The following DHRS3 variants were observed in gnomAD, a reference collection of about 807,000 sequenced individuals.
DHRS3 encodes dehydrogenase/reductase 3, also known as short-chain dehydrogenase/reductase 3.
DHRS3 carries 14 observed loss-of-function variants against 27.2 expected under a neutral mutation model. The ratio of observed to expected loss-of-function variants is 0.52; its 90% CI spans 0.34 to 0.81. The LOEUF (loss-of-function observed/expected upper bound fraction) is 0.81. Among genes scored for constraint, DHRS3 ranks in the 30% least tolerant of loss-of-function variants. The probability of loss-of-function intolerance (pLI) is 0.01; values close to 1 mark genes in which losing one functional copy is unlikely to be tolerated. For synonymous variants in DHRS3, 165 were observed against 175.9 expected (o/e 0.94, Z 0.49); for missense variants, 322 against 406.2 (o/e 0.79, Z 1.78).
At chr1:12,606,568 C>T (rs1209236598) in intron 1 of DHRS3, among the ~76,000 whole-genome samples, 4 of 152,086 alleles carry the variant, frequency 2.6e-5, no homozygotes, top group Admixed American at 1.3e-4. Context: ...TGGCTCACGG[C>T]AACCTCCGCC....
At chr1:12,614,973 C>T (rs1646934907) in intron 1 of DHRS3, among the ~76,000 whole-genome samples, 1 of 152,166 alleles carries the variant, frequency 6.6e-6, no homozygotes, top group Non-Finnish European at 1.5e-5. Flanking sequence ...CTGTTCACAC[C>T]TGTCCCCAAC....
At chr1:12,617,017 C>A in intron 1 of DHRS3, 137 bp downstream of exon 1, 1 of 1,107,824 alleles carries the variant, frequency 9.0e-7, no homozygotes, top group South Asian at 1.6e-5. Context: ...CCGACTAGCT[C>A]AGCACTCGTG....
chr1:12,611,103 G>A (rs1004459013), intron 1 of DHRS3, among the ~76,000 whole-genome samples: 2 of 152,246 alleles, frequency 1.3e-5, no homozygotes, highest in African/African-American at 4.8e-5. Flanking sequence ...AGATGGAAAT[G>A]AACCAGAGAA....
intron 1 of DHRS3, among the ~76,000 whole-genome samples, chr1:12,604,268 G>A (rs1646854942): frequency 6.6e-6 from 1 of 152,184 alleles, no homozygotes; most frequent in Non-Finnish European, 1.5e-5. Context: ...GGCTTAACTG[G>A]AGGGAGCTGT....
intron 1 of DHRS3, among the ~76,000 whole-genome samples, chr1:12,589,840 C>CATTATT (rs150189606): frequency 0.027 from 4,017 of 149,206 alleles, 69 homozygotes; most frequent in South Asian, 0.051. Flanking sequence ...AGCTAGCTGT[C>CATTATT]ATTATTATTA....
chr1:12,617,029 G>T, intron 1 of DHRS3, 125 bp downstream of exon 1: 1 of 1,178,426 alleles, frequency 8.5e-7, no homozygotes, highest in Non-Finnish European at 1.2e-6. Flanking sequence ...GCACTCGTGG[G>T]TGGCGCGGAG....
rs1646952017 is a variant in DHRS3, at chr1:12,617,402, A to G, written c.-54T>C. 1.3e-6 allele frequency: 2 copies of G among 1,540,796 alleles called. No individual in the cohort carries two copies. The highest frequency in any genetic ancestry group is 1.8e-6 in the Non-Finnish European group (2 of 1,138,856). On this transcript the variant is annotated 5_prime_UTR_variant, in exon 1 of 6. Transcript: ENST00000616661. ...CGAAACTCCCCGGGCCGAGCAATACAGGAATTAAAAAACACCCCGAACAAT... is the reference window on the plus strand; with the variant it reads ...CGAAACTCCCCGGGCCGAGCAATACGGGAATTAAAAAACACCCCGAACAAT...
At chr1:12,609,630 TGGAAACCTGGCG>T (rs942313461) in intron 1 of DHRS3, among the ~76,000 whole-genome samples, 2 of 152,190 alleles carry the variant, frequency 1.3e-5, no homozygotes, top group Non-Finnish European at 2.9e-5. Context: ...GGAGGAGGCA[TGGAAACCTGGCG>T]GCCTCCTAGC....
chr1:12,597,357 G>A (rs1282185192), intron 1 of DHRS3, among the ~76,000 whole-genome samples: 3 of 152,160 alleles, frequency 2.0e-5, no homozygotes, highest in Admixed American at 6.6e-5. Flanking sequence ...GATTACAGGC[G>A]TGAGCCATGG....
Position 12,585,359 on chromosome 1 carries a change from G to A in DHRS3, c.196-4693C>T, listed in dbSNP as rs150058586. ...TGTCTGTGTCTCTGTGTGAGTGTGT[G>A]TCTGTGTCTCTGTGTGAGTGTGTGT... On this transcript the variant is annotated intron_variant, in intron 1 of 5. Coordinates refer to ENST00000616661, the MANE Select transcript of DHRS3 (RefSeq NM_004753.7). Among the ~76,000 whole-genome samples, 8 of 148,946 alleles carry A rather than the reference G, an allele frequency of 5.4e-5. No homozygotes were observed. In the East Asian group the frequency reaches 1.6e-3, roughly 29 times the overall value.
intron 2 of DHRS3, chr1:12,580,112 T>C: frequency 3.3e-6 from 1 of 301,996 alleles, no homozygotes; most frequent in Non-Finnish European, 6.5e-6. Flanking sequence ...ATATTTATAA[T>C]AAATGAGTTT....
chr1:12,606,041 G>A (rs1646868101), intron 1 of DHRS3, among the ~76,000 whole-genome samples: 2 of 151,290 alleles, frequency 1.3e-5, no homozygotes, highest in Admixed American at 1.3e-4. Context: ...GGGAGGCTGA[G>A]GCAGGAGAAT....
chr1:12,576,307 A>C (rs987534180), intron 4 of DHRS3, among the ~76,000 whole-genome samples: 3 of 151,872 alleles, frequency 2.0e-5, no homozygotes, highest in Non-Finnish European at 2.9e-5. Context: ...TCACGCCTGT[A>C]ATCCCAGCAC....
At position 12,572,445 on chromosome 1, in the gene DHRS3, C is replaced by T. The variant is rs1646546415; in HGVS notation, c.824+283G>A. On this transcript the variant is annotated intron_variant, in intron 5 of 5. Transcript: ENST00000616661. ...TCGGCCTCCCAAAGTGCTAGGATTA[C>T]AGGCGTGAGCCACTGCGCCTGGCCC... 1.3e-5 allele frequency among the ~76,000 whole-genome samples: 2 copies of T among 152,242 alleles called. 1 individual carries two copies. Among genetic ancestry groups the T allele is most frequent in the South Asian group, 4.1e-4 (2 of 4,832 alleles).
chr1:12,574,199 C>G lies in DHRS3; in HGVS notation c.699-1346G>C, dbSNP rs1646566408. Among the ~76,000 whole-genome samples, 1 of 152,128 alleles carries G rather than the reference C, an allele frequency of 6.6e-6. No individual in the cohort carries two copies. The highest frequency in any genetic ancestry group is 1.5e-5 in the Non-Finnish European group (1 of 68,038). ...TATTTTTTATTTTTGAGTCCAGGGTCTCACTTTGTTACCCAGGCTGGAGTG... is the reference window on the plus strand; with the variant it reads ...TATTTTTTATTTTTGAGTCCAGGGTGTCACTTTGTTACCCAGGCTGGAGTG... On this transcript the variant is annotated intron_variant, in intron 4 of 5. Coordinates refer to ENST00000616661, the MANE Select transcript of DHRS3 (RefSeq NM_004753.7). The surrounding 1 kb of genome is among the most constrained non-coding windows in gnomAD (Gnocchi z 4.6).
In DHRS3 at chr1:12,617,646, C is replaced by T. The variant is rs1570409081; in HGVS notation, c.-298G>A. On this transcript the variant is annotated 5_prime_UTR_variant, in exon 1 of 6. Transcript: ENST00000616661. ...AAAGTTCTAACAAGAAGTTTCTTGC[C>T]CCAGCAGCCGTTTCGGCTGGGGAAT... 7.0e-6 allele frequency: 2 copies of T among 284,290 alleles called. No individual in the cohort carries two copies. The highest frequency in any genetic ancestry group is 2.2e-5 in the African/African-American group (1 of 45,472). The allele number at this position is 284,290 out of a possible 1,614,324, so 17.6% of individuals were successfully genotyped here.
intron 1 of DHRS3, chr1:12,616,676 G>A: frequency 5.0e-6 from 5 of 998,086 alleles, no homozygotes; most frequent in Non-Finnish European, 6.0e-6. Flanking sequence ...ACCCTCTCTC[G>A]TGTCTTCAGA....
chr1:12,616,751 C>G, intron 1 of DHRS3: 1 of 1,017,382 alleles, frequency 9.8e-7, no homozygotes, highest in South Asian at 4.3e-5. Context: ...CGCCAGCTAG[C>G]AGGCGGCTCC....
intron 1 of DHRS3, among the ~76,000 whole-genome samples, chr1:12,587,721 C>G (rs552084884): frequency 2.3e-5 from 3 of 132,036 alleles, no homozygotes; most frequent in African/African-American, 6.5e-5. Flanking sequence ...AAACAAAAAC[C>G]AAAAAACAAA....
Sources: allele counts gnomAD v4.1 joint callset (sites outside exome capture counted in the v4.1 genomes callset), GRCh38; gene constraint gnomAD v4.1.1; non-coding constraint Gnocchi (gnomAD v3.1); transcripts MANE v1.5; gene names NCBI Gene and HGNC (gene_info 2026-07-23, HGNC 2026-07-21).